The following SH3KBP1 variants were observed in gnomAD, a reference collection of about 807,000 sequenced individuals.
SH3KBP1 encodes SH3 domain containing kinase binding protein 1.
Under a neutral mutation model 50.1 loss-of-function variants are expected in SH3KBP1, and 8 were observed. The observed-to-expected ratio is 0.16, with a 90% CI of 0.09 to 0.29. The LOEUF (loss-of-function observed/expected upper bound fraction) is 0.29. Ranked by LOEUF, SH3KBP1 falls within the 10% of genes least tolerant of loss-of-function variation. The probability of loss-of-function intolerance (pLI) is 1.00; values close to 1 mark genes in which losing one functional copy is unlikely to be tolerated. For missense variants in SH3KBP1, 377 were observed against 535.2 expected, an observed-to-expected ratio of 0.70 and a Z score of 2.92; for synonymous variants, 227 against 218.6, an observed-to-expected ratio of 1.04 and a Z score of -0.34.
At chrX:19,792,542 C>T (rs2066564053) in intron 2 of SH3KBP1, among the ~76,000 whole-genome samples, 2 of 111,080 alleles carry the variant, frequency 1.8e-5, no homozygotes, top group Admixed American at 9.5e-5. Flanking sequence ...AAACATGTTG[C>T]TTGTTCTCTA....
chrX:19,646,377 G>C (rs1041696377), intron 6 of SH3KBP1, among the ~76,000 whole-genome samples: 3 of 111,788 alleles, frequency 2.7e-5, no homozygotes, highest in Non-Finnish European at 5.6e-5. Context: ...CAGATCCATT[G>C]GTTCCCAAGG....
At chrX:19,756,872 T>TAAAA (rs10707274) in intron 2 of SH3KBP1, among the ~76,000 whole-genome samples, 1 of 85,608 alleles carries the variant, frequency 1.2e-5, no homozygotes, top group Non-Finnish European at 2.3e-5. Context: ...GTTGCTAGGT[T>TAAAA]AAAAAAAAAA....
intron 1 of SH3KBP1, among the ~76,000 whole-genome samples, chrX:19,855,593 T>C (rs1367257216): frequency 1.8e-5 from 2 of 111,976 alleles, no homozygotes; most frequent in Non-Finnish European, 3.8e-5. Context: ...CCAGGTATTA[T>C]ATATTTTCAT....
chrX:19,569,161 G>A lies in SH3KBP1; in HGVS notation c.1326C>T (p.Ala442=), dbSNP rs756734324. The part of the protein sequence containing the change: ...TRGDSPKIDL[A]GSSLSGILDK... The stretch of plus-strand genomic sequence containing the variant: ...CCAGGATGCCAGATAGCGAACTGCC[G>A]GCCAAGTCAATCTTTGGACTGTCAC... The change falls in exon 13 of 18, where the codon GCC becomes GCT. Residue 442 remains alanine, a synonymous_variant. Coordinates refer to ENST00000397821, the MANE Select transcript of SH3KBP1 (RefSeq NM_031892.3). 9 of 1,210,747 alleles carry A rather than the reference G, an allele frequency of 7.4e-6. No homozygotes were observed. Among genetic ancestry groups the A allele is most frequent in the South Asian group, 7.0e-5 (4 of 56,990 alleles).
chrX:19,734,178 CT>C (rs1187282896), intron 3 of SH3KBP1, among the ~76,000 whole-genome samples: 3 of 111,753 alleles, frequency 2.7e-5, no homozygotes, highest in Non-Finnish European at 5.7e-5. Context: ...AGAGGTTTGG[CT>C]TTTGATTTAC....
intron 15 of SH3KBP1, among the ~76,000 whole-genome samples, chrX:19,545,418 G>A (rs2065056071): frequency 8.9e-6 from 1 of 112,197 alleles, no homozygotes; most frequent in Non-Finnish European, 1.9e-5. Flanking sequence ...AAATTAAAGT[G>A]TTTTTAGACT....
At chrX:19,760,000 T>C (rs963847775) in intron 2 of SH3KBP1, among the ~76,000 whole-genome samples, 1 of 100,808 alleles carries the variant, frequency 9.9e-6, no homozygotes, top group Non-Finnish European at 2.0e-5. Flanking sequence ...TAACTATAAA[T>C]CAGTCTCGGT....
chrX:19,785,925 G>A (rs112622300), intron 2 of SH3KBP1, among the ~76,000 whole-genome samples: 2,175 of 110,645 alleles, frequency 0.02, 51 homozygotes, highest in African/African-American at 0.06. Context: ...GGGCTGGGGG[G>A]AAGGGGAAAT....
At chrX:19,782,308 T>C (rs940959684) in intron 2 of SH3KBP1, among the ~76,000 whole-genome samples, 1 of 112,006 alleles carries the variant, frequency 8.9e-6, no homozygotes, top group African/African-American at 3.2e-5. Context: ...GCTTCTCCCC[T>C]AGAACACCGT....
chrX:19,636,342 AAACAC>A (rs956902572), intron 7 of SH3KBP1, among the ~76,000 whole-genome samples: 7 of 110,127 alleles, frequency 6.4e-5, no homozygotes, highest in African/African-American at 2.3e-4. Flanking sequence ...AGAAAAAAAA[AAACAC>A]AACACAACAA....
intron 8 of SH3KBP1, among the ~76,000 whole-genome samples, chrX:19,620,412 C>G (rs1432741700): frequency 8.9e-6 from 1 of 112,614 alleles, no homozygotes; most frequent in African/African-American, 3.2e-5. Context: ...ATCCACACTT[C>G]TTTTAAGAAA....
chrX:19,799,709 T>C (rs1204790881), intron 2 of SH3KBP1: 2 of 1,205,983 alleles, frequency 1.7e-6, no homozygotes, highest in Non-Finnish European at 2.2e-6. Flanking sequence ...AATGGTAATT[T>C]CTGGCTGTGT....
chrX:19,651,119 C>T (rs894944707), intron 6 of SH3KBP1, among the ~76,000 whole-genome samples: 12 of 110,671 alleles, frequency 1.1e-4, no homozygotes, highest in Non-Finnish European at 2.3e-4. Context: ...TCTTGGCTCT[C>T]GGTGAGGAGT....
At chrX:19,541,821 G>A (rs768978536) in intron 16 of SH3KBP1, 104 bp downstream of exon 16, 18 of 977,602 alleles carry the variant, frequency 1.8e-5, no homozygotes, top group Middle Eastern at 2.8e-4. Context: ...GGGGAGACCA[G>A]GCCCGCCCTC....
intron 1 of SH3KBP1, among the ~76,000 whole-genome samples, chrX:19,884,738 TCA>T (rs1490549127): frequency 8.9e-6 from 1 of 112,081 alleles, no homozygotes; most frequent in East Asian, 2.8e-4. Context: ...CCTTCACTAC[TCA>T]CAGATTTGGG....
chrX:19,806,438 C>T (rs1312456217), intron 2 of SH3KBP1, among the ~76,000 whole-genome samples: 1 of 111,263 alleles, frequency 9.0e-6, no homozygotes, highest in Non-Finnish European at 1.9e-5. Flanking sequence ...ATCGCTTGAA[C>T]CAGGGAAGCG....
At chrX:19,806,530 C>A (rs1486015798) in intron 2 of SH3KBP1, among the ~76,000 whole-genome samples, 1 of 110,964 alleles carries the variant, frequency 9.0e-6, no homozygotes, top group East Asian at 2.8e-4. Context: ...ACAAAACAAC[C>A]CACTAGACTG....
intron 9 of SH3KBP1, among the ~76,000 whole-genome samples, chrX:19,595,491 C>A (rs2066874887): frequency 8.9e-6 from 1 of 112,621 alleles, no homozygotes; most frequent in African/African-American, 3.2e-5. Flanking sequence ...CCTTTCTACA[C>A]CGAGGCTGGC....
chrX:19,608,497 C>T (rs895331963), intron 8 of SH3KBP1, among the ~76,000 whole-genome samples: 1 of 109,157 alleles, frequency 9.2e-6, no homozygotes, highest in Non-Finnish European at 1.9e-5. Flanking sequence ...TTAGTAGAGA[C>T]GGGGTTTCAC....
Sources: allele counts gnomAD v4.1 joint callset (sites outside exome capture counted in the v4.1 genomes callset), GRCh38; gene constraint gnomAD v4.1.1; transcripts MANE v1.5; gene names NCBI Gene and HGNC (gene_info 2026-07-23, HGNC 2026-07-21).